SLC2A9: variants seen among roughly 807,000 people sequenced by gnomAD.
SLC2A9 encodes solute carrier family 2, facilitated glucose transporter member 9.
In SLC2A9, 39 loss-of-function variants were observed where a neutral mutation model predicts 50.6. That is an observed-to-expected ratio of 0.77 (90% confidence interval 0.60 to 1.01). The LOEUF (loss-of-function observed/expected upper bound fraction) is 1.01, where lower values mean the gene tolerates loss of function less well. SLC2A9 is among the 50% of genes least tolerant of loss of function. The pLI is 0.00. For missense variants in SLC2A9, 686 were observed against 677.6 expected, an observed-to-expected ratio of 1.01 and a Z score of -0.14; for synonymous variants, 324 against 276.9, an observed-to-expected ratio of 1.17 and a Z score of -1.69.
intron 4 of SLC2A9, among the ~76,000 whole-genome samples, chr4:9,981,650 A>T (rs1332569799): frequency 6.6e-6 from 1 of 152,128 alleles, no homozygotes; most frequent in Non-Finnish European, 1.5e-5. Context: ...ACCAGCTAAC[A>T]TTGCCTCTTG....
chr4:9,920,572 G>C lies in SLC2A9; in HGVS notation c.815C>G (p.Ala272Gly), dbSNP rs1270952964. ...EKHNEARAVK[A>G]FQTFLGKADV... ...TGCTTTACCCAAGAACGTTTGGAAG[G>C]CTGCAAACAGAGGCACACATGGACT... The change falls in exon 7 of 12, where the codon GCC (alanine) becomes GGC (glycine). Residue 272 changes from alanine (A) to glycine (G), a missense_variant and splice_region_variant. Physicochemically the swap from Ala to Gly is moderately conservative, Grantham distance 60. Transcript: ENST00000264784. The C allele has an allele frequency of 1.2e-6, 2 of 1,614,006 alleles. No individual in the cohort carries two copies. The highest frequency in any genetic ancestry group is 1.1e-5 in the South Asian group (1 of 91,088).
rs528760615 is a variant in SLC2A9, at chr4:10,032,989, C to T, written c.-40-6983G>A. Among the ~76,000 whole-genome samples the T allele has an allele frequency of 1.6e-4, 24 of 152,194 alleles. 1 individual carries two copies. The South Asian group carries it at 4.6e-3, about 29-fold the overall frequency. On this transcript the variant is annotated intron_variant, in intron 1 of 12. Coordinates refer to the SLC2A9 transcript ENST00000309065. ...GCAATTAAAAAGATGCATGTAAAGC[C>T]GGGCACTGCCGAGCTGTTCACTAAA...
intron 7 of SLC2A9, among the ~76,000 whole-genome samples, chr4:9,912,608 T>A (rs1189391859): frequency 6.6e-6 from 1 of 152,204 alleles, no homozygotes; most frequent in Non-Finnish European, 1.5e-5. Flanking sequence ...AAGCAGCATG[T>A]CTAAGGATCA....
rs184647037 is a variant in SLC2A9 at position 9,845,248 on chromosome 4, C to T, written c.1292-10240G>A. On this transcript the variant is annotated intron_variant, in intron 10 of 11. Coordinates refer to ENST00000264784, the MANE Select transcript of SLC2A9 (RefSeq NM_020041.3). ...CAGGATGGTCTTGATCTCCTGACCTCGTGATCCGCCTGCCTCGGCCCCCCA... is the reference window on the plus strand; with the variant it reads ...CAGGATGGTCTTGATCTCCTGACCTTGTGATCCGCCTGCCTCGGCCCCCCA... Among the ~76,000 whole-genome samples, 523 of 151,928 alleles carry T rather than the reference C, an allele frequency of 3.4e-3. 2 individuals carry two copies. The highest frequency in any genetic ancestry group is 0.012 in the African/African-American group (498 of 41,410).
rs542416522 is a variant in SLC2A9, at chr4:9,877,119, G to T, written c.1291+10448C>A. 2.6e-5 allele frequency among the ~76,000 whole-genome samples: 4 copies of T among 152,302 alleles called. No individual in the cohort carries two copies. The South Asian group carries it at 8.3e-4, about 32-fold the overall frequency. The stretch of plus-strand genomic sequence containing the variant: ...GCACACAATTCCCTAACTTTTGAGG[G>T]GAAAGGAGACATCTGATTCGACTCC... On this transcript the variant is annotated intron_variant, in intron 10 of 11. Coordinates refer to ENST00000264784, the MANE Select transcript of SLC2A9 (RefSeq NM_020041.3).
chr4:9,982,922 T>G (rs1459626787), intron 4 of SLC2A9, among the ~76,000 whole-genome samples: 1 of 152,096 alleles, frequency 6.6e-6, no homozygotes, highest in African/African-American at 2.4e-5. Context: ...CAGACGGGAG[T>G]GCAATGGGTG....
At chr4:9,800,785 A>C (rs894487158) in intron 3 of SLC2A9, among the ~76,000 whole-genome samples, 1 of 152,328 alleles carries the variant, frequency 6.6e-6, no homozygotes, top group South Asian at 2.1e-4. Flanking sequence ...TTTAAAGTAG[A>C]TGGGAGGATG....
chr4:9,914,196 T>G (rs201415397), intron 7 of SLC2A9, among the ~76,000 whole-genome samples: 2 of 152,226 alleles, frequency 1.3e-5, no homozygotes, highest in East Asian at 3.9e-4. Context: ...GGGAGGGTGC[T>G]AAGTCCTATG....
At chr4:10,021,553 A>G (rs1359623131), upstream of SLC2A9, 2 of 1,467,646 alleles carry the variant, frequency 1.4e-6, no homozygotes, top group Non-Finnish European at 1.9e-6. Flanking sequence ...AAGTGTGGCA[A>G]TTTGATCATG....
chr4:9,953,615 A>G (rs7375643), intron 5 of SLC2A9, among the ~76,000 whole-genome samples: 87,344 of 151,774 alleles, frequency 0.58, 26,335 homozygotes, highest in African/African-American at 0.77. Context: ...CCAGTTTAGG[A>G]GTTTTTTGTT....
chr4:9,946,827 C>T (rs891528398), intron 5 of SLC2A9, among the ~76,000 whole-genome samples: 2 of 152,154 alleles, frequency 1.3e-5, no homozygotes, highest in Non-Finnish European at 2.9e-5. Flanking sequence ...TTTCCCTGCC[C>T]CATTCTAGGG....
chr4:9,840,345 C>G (rs1727844740), intron 10 of SLC2A9, among the ~76,000 whole-genome samples: 1 of 152,178 alleles, frequency 6.6e-6, no homozygotes, highest in Admixed American at 6.5e-5. Context: ...TTTAAGGTCT[C>G]TTTCTTCCAA....
At chr4:9,936,790 C>T (rs556602860) in intron 6 of SLC2A9, among the ~76,000 whole-genome samples, 28 of 152,130 alleles carry the variant, frequency 1.8e-4, no homozygotes, top group Non-Finnish European at 2.9e-4. Flanking sequence ...GGAGTGACTC[C>T]CCCACCACCC....
At chr4:9,844,199 T>C (rs939882471) in intron 10 of SLC2A9, among the ~76,000 whole-genome samples, 1 of 149,238 alleles carries the variant, frequency 6.7e-6, no homozygotes, top group Non-Finnish European at 1.5e-5. Flanking sequence ...GACTCCTTTC[T>C]TTACAGAATA....
chr4:9,890,456 C>G (rs1166267914), intron 9 of SLC2A9, among the ~76,000 whole-genome samples, 154 bp downstream of exon 9: 2 of 152,192 alleles, frequency 1.3e-5, no homozygotes, highest in African/African-American at 4.8e-5. Flanking sequence ...CTGAGACCCT[C>G]AGCAGCTCCA....
chr4:10,019,626 C>A (rs1309154979), intron 1 of SLC2A9, among the ~76,000 whole-genome samples: 1 of 152,218 alleles, frequency 6.6e-6, no homozygotes, highest in East Asian at 1.9e-4. Context: ...TGCACTGTCC[C>A]CTGCTGACCC....
chr4:9,777,297 C>CTT (rs71649549), downstream of SLC2A9, among the ~76,000 whole-genome samples: 5 of 141,546 alleles, frequency 3.5e-5, no homozygotes, highest in South Asian at 4.5e-4. Flanking sequence ...GTCTCTGTTT[C>CTT]TTTTTTTTTT....
intron 3 of SLC2A9, among the ~76,000 whole-genome samples, chr4:9,792,170 T>TC (rs930341372): frequency 1.4e-5 from 2 of 140,068 alleles, no homozygotes; most frequent in Non-Finnish European, 1.6e-5. Context: ...TTTCTTTTTT[T>TC]TTTTTTTTTT....
chr4:9,974,739 AC>A (rs915104103), intron 5 of SLC2A9, among the ~76,000 whole-genome samples: 2 of 152,102 alleles, frequency 1.3e-5, no homozygotes, highest in African/African-American at 4.8e-5. Flanking sequence ...TTTCCACCAA[AC>A]TAGAAAAAAA....
Sources: allele counts gnomAD v4.1 joint callset (sites outside exome capture counted in the v4.1 genomes callset), GRCh38; gene constraint gnomAD v4.1.1; transcripts MANE v1.5; gene names NCBI Gene and HGNC (gene_info 2026-07-23, HGNC 2026-07-21).